The following PTPRD variants were observed in gnomAD, a reference collection of about 807,000 sequenced individuals.
The protein encoded by PTPRD is protein tyrosine phosphatase receptor type D.
Under a neutral mutation model 214.5 loss-of-function variants are expected in PTPRD, and 34 were observed. That is an observed-to-expected ratio of 0.16 (90% confidence interval 0.12 to 0.21). The LOEUF (loss-of-function observed/expected upper bound fraction) is 0.21. PTPRD is among the 10% of genes least tolerant of loss of function. PTPRD has a pLI of 1.00. For missense variants in PTPRD, 2,545 were observed against 2,398.7 expected (o/e 1.06, Z -1.27); for synonymous variants, 1,128 against 845.7 (o/e 1.33, Z -5.79).
intron 2 of PTPRD, among the ~76,000 whole-genome samples, chr9:10,427,981 T>G (rs1481647193): frequency 6.6e-6 from 1 of 152,054 alleles, no homozygotes; most frequent in East Asian, 1.9e-4. Flanking sequence ...TTAAAATATT[T>G]GTTAAGTAAT....
chr9:8,793,803 G>C (rs137878343), intron 11 of PTPRD, among the ~76,000 whole-genome samples: 2 of 152,260 alleles, frequency 1.3e-5, no homozygotes, highest in East Asian at 3.9e-4. Context: ...TATACTGAAA[G>C]TGTGCTATAG....
chr9:9,586,220 C>T (rs2154319895), intron 7 of PTPRD, among the ~76,000 whole-genome samples: 1 of 152,104 alleles, frequency 6.6e-6, no homozygotes, highest in East Asian at 1.9e-4. Context: ...ACAGGGCCAT[C>T]CCTCAACACA....
chr9:9,464,199 T>C lies in PTPRD; in HGVS notation c.-236-66717A>G, dbSNP rs112124550. On this transcript the variant is annotated intron_variant, in intron 8 of 45. Coordinates refer to ENST00000381196, the MANE Select transcript of PTPRD (RefSeq NM_002839.4). Reference sequence around the variant, plus strand: ...TTTCTCTCCAGTGAGCAATGGGACCTAGACTGAACTCTGGCATTTTGGTAA... The same window carrying C: ...TTTCTCTCCAGTGAGCAATGGGACCCAGACTGAACTCTGGCATTTTGGTAA... Among the ~76,000 whole-genome samples, 602 of 152,284 alleles carry C rather than the reference T, an allele frequency of 4.0e-3. 5 individuals are homozygous for C. The highest frequency in any genetic ancestry group is 5.1e-3 in the Non-Finnish European group (344 of 68,016).
At chr9:10,082,630 C>T (rs551254196) in intron 3 of PTPRD, among the ~76,000 whole-genome samples, 4 of 151,604 alleles carry the variant, frequency 2.6e-5, no homozygotes, top group Non-Finnish European at 2.9e-5. Flanking sequence ...AGTTATAAGG[C>T]CAAAAAGTAA....
At chr9:8,683,514 C>T (rs1046392048) in intron 12 of PTPRD, among the ~76,000 whole-genome samples, 1 of 152,132 alleles carries the variant, frequency 6.6e-6, no homozygotes, top group Admixed American at 6.5e-5. Context: ...CAGCTCCAAC[C>T]TGACTCTCAG....
intron 10 of PTPRD, among the ~76,000 whole-genome samples, chr9:9,162,805 T>G (rs1196269789): frequency 6.6e-6 from 1 of 152,130 alleles, no homozygotes; most frequent in Non-Finnish European, 1.5e-5. Flanking sequence ...TCCCAGTTCT[T>G]CAACTCATTC....
At chr9:8,338,268 T>C (rs1408548630) in intron 43 of PTPRD, among the ~76,000 whole-genome samples, 2 of 152,078 alleles carry the variant, frequency 1.3e-5, no homozygotes, top group Admixed American at 1.3e-4. Context: ...GGCGAAGATA[T>C]CAGAGTTTAT....
At chr9:9,751,790 T>C (rs1424072387) in intron 6 of PTPRD, among the ~76,000 whole-genome samples, 1 of 152,088 alleles carries the variant, frequency 6.6e-6, no homozygotes, top group Non-Finnish European at 1.5e-5. Flanking sequence ...ATAATCAATG[T>C]CTGTTGTTTA....
At chr9:9,866,497 G>T (rs2063983519) in intron 5 of PTPRD, among the ~76,000 whole-genome samples, 1 of 151,976 alleles carries the variant, frequency 6.6e-6, no homozygotes. Flanking sequence ...AATTTTAGAG[G>T]CTCTTTTGGT....
intron 10 of PTPRD, among the ~76,000 whole-genome samples, chr9:9,167,544 C>T (rs572082665): frequency 6.6e-6 from 1 of 151,950 alleles, no homozygotes; most frequent in Non-Finnish European, 1.5e-5. Context: ...CACCTGAGAT[C>T]GGGAGTTCGA....
At chr9:8,564,049 G>A (rs561777238) in intron 14 of PTPRD, among the ~76,000 whole-genome samples, 1 of 152,262 alleles carries the variant, frequency 6.6e-6, no homozygotes, top group South Asian at 2.1e-4. Flanking sequence ...GAATTTTGAT[G>A]TCCCAGGCTA....
intron 9 of PTPRD, among the ~76,000 whole-genome samples, chr9:9,198,691 CAT>C (rs1326558744): frequency 6.6e-6 from 1 of 152,166 alleles, no homozygotes; most frequent in African/African-American, 2.4e-5. Context: ...GAAATTCTCA[CAT>C]GTTCTAAAAT....
intron 9 of PTPRD, among the ~76,000 whole-genome samples, chr9:9,240,220 G>C (rs10977604): frequency 0.073 from 11,147 of 152,152 alleles, 506 homozygotes; most frequent in Middle Eastern, 0.11. Context: ...AAACTTTAAA[G>C]TGAAATTAAG....
At chr9:8,661,892 G>C (rs2097062571) in intron 12 of PTPRD, among the ~76,000 whole-genome samples, 1 of 152,104 alleles carries the variant, frequency 6.6e-6, no homozygotes, top group African/African-American at 2.4e-5. Flanking sequence ...AGCTAATTAA[G>C]TATTTGGTCT....
Position 8,689,001 on chromosome 9 carries a change from CA to C in PTPRD, c.64+44778del, listed in dbSNP as rs551543354. On this transcript the variant is annotated intron_variant, in intron 12 of 45. Transcript: ENST00000381196. ...TAAATCAGGGCATGAGAAACTAATA[CA>C]GGGGCAAAAAAGAGGCTCTTCAAAA... Among the ~76,000 whole-genome samples the C allele has an allele frequency of 5.3e-5, 8 of 152,160 alleles. No individual in the cohort carries two copies. The South Asian group carries it at 1.2e-3, about 24-fold the overall frequency.
At chr9:9,095,720 A>G (rs1297288045) in intron 10 of PTPRD, among the ~76,000 whole-genome samples, 1 of 152,182 alleles carries the variant, frequency 6.6e-6, no homozygotes, top group Non-Finnish European at 1.5e-5. Context: ...TAAAAATAGA[A>G]CTACCATATG....
At chr9:9,238,585 G>A (rs1024464703) in intron 9 of PTPRD, among the ~76,000 whole-genome samples, 1 of 152,058 alleles carries the variant, frequency 6.6e-6, no homozygotes, top group Non-Finnish European at 1.5e-5. Flanking sequence ...ACACAGTTCA[G>A]GCACTTAAGA....
intron 2 of PTPRD, among the ~76,000 whole-genome samples, chr9:10,460,705 G>C (rs2098952260): frequency 6.6e-6 from 1 of 152,030 alleles, no homozygotes; most frequent in African/African-American, 2.4e-5. Context: ...CAATGAAATG[G>C]AATCCTTCTC....
At chr9:10,509,246 T>C (rs1264903055) in intron 2 of PTPRD, among the ~76,000 whole-genome samples, 2 of 152,018 alleles carry the variant, frequency 1.3e-5, no homozygotes, top group African/African-American at 2.4e-5. Context: ...GATTTCTATT[T>C]TCCTCATTCA....
Sources: allele counts gnomAD v4.1 joint callset (sites outside exome capture counted in the v4.1 genomes callset), GRCh38; gene constraint gnomAD v4.1.1; transcripts MANE v1.5; gene names NCBI Gene and HGNC (gene_info 2026-07-23, HGNC 2026-07-21).